DAB1: variants seen among roughly 807,000 people sequenced by gnomAD.
DAB1 encodes disabled homolog 1.
DAB1 carries 15 observed loss-of-function variants against 64.6 expected under a neutral mutation model. The ratio of observed to expected loss-of-function variants is 0.23; its 90% CI spans 0.16 to 0.36. The LOEUF is 0.36. Among genes scored for constraint, DAB1 ranks in the 10% least tolerant of loss-of-function variants. DAB1 has a pLI of 1.00. For synonymous variants in DAB1, 235 were observed against 251.9 expected (o/e 0.93, Z 0.64); for missense variants, 596 against 706.7 (o/e 0.84, Z 1.78).
intron 5 of DAB1, among the ~76,000 whole-genome samples, chr1:58,139,297 G>A (rs999071242): frequency 6.6e-6 from 1 of 152,018 alleles, no homozygotes; most frequent in Non-Finnish European, 1.5e-5. Context: ...TACTGTATTC[G>A]TCCATTCTCA....
rs182857397 is a variant in DAB1, at chr1:58,049,019, C to G, written n.387+101492G>C. Reference sequence around the variant, plus strand: ...GGCACCTGGTCTTTGGGAATCTTCTCTTGAGACAGCTCTCTGTTTCCACAA... The same window carrying G: ...GGCACCTGGTCTTTGGGAATCTTCTGTTGAGACAGCTCTCTGTTTCCACAA... On this transcript the variant is annotated intron_variant and non_coding_transcript_variant, in intron 5 of 20. Transcript: ENST00000485760. 1.1e-5 allele frequency: 9 copies of G among 791,794 alleles called. No individual in the cohort carries two copies. In the Admixed American group the frequency reaches 1.5e-4, roughly 13 times the overall value. 49.0% of individuals were successfully genotyped at this position (791,794 alleles called of 1,614,324 possible).
At chr1:57,061,236 G>GGT (rs1650365284) in intron 9 of DAB1, among the ~76,000 whole-genome samples, 1 of 150,948 alleles carries the variant, frequency 6.6e-6, no homozygotes, top group African/African-American at 2.4e-5. Flanking sequence ...GATGGGGGGG[G>GGT]GGGGTGGTTT....
At chr1:58,396,142 G>A (rs78570816) in intron 3 of DAB1, among the ~76,000 whole-genome samples, 2,579 of 148,648 alleles carry the variant, frequency 0.017, 76 homozygotes, top group African/African-American at 0.058. Flanking sequence ...GGGAGGGGGG[G>A]ATGGAAATGA....
chr1:57,899,960 G>C (rs1005409824), intron 5 of DAB1, among the ~76,000 whole-genome samples: 1 of 150,386 alleles, frequency 6.6e-6, no homozygotes, highest in Non-Finnish European at 1.5e-5. Context: ...ATTTTTTAGA[G>C]ACAGGGTCTC....
At chr1:58,265,825 G>A (rs1305709614) in intron 4 of DAB1, among the ~76,000 whole-genome samples, 2 of 152,080 alleles carry the variant, frequency 1.3e-5, no homozygotes, top group African/African-American at 2.4e-5. Flanking sequence ...TACTGTTGAA[G>A]GATAATAAAA....
intron 6 of DAB1, among the ~76,000 whole-genome samples, chr1:57,749,257 A>C (rs1648440360): frequency 6.6e-6 from 1 of 152,228 alleles, no homozygotes; most frequent in Admixed American, 6.5e-5. Context: ...AGTGAAACTA[A>C]GGCTCAGAGT....
At chr1:58,013,543 G>A (rs1462431575) in intron 5 of DAB1, among the ~76,000 whole-genome samples, 5 of 152,124 alleles carry the variant, frequency 3.3e-5, no homozygotes, top group East Asian at 1.9e-4. Context: ...CCTTCATTAC[G>A]ACACGAGTGG....
At chr1:57,255,272 T>C (rs1175306779) in intron 2 of DAB1, among the ~76,000 whole-genome samples, 1 of 152,232 alleles carries the variant, frequency 6.6e-6, no homozygotes, top group African/African-American at 2.4e-5. Flanking sequence ...TGAAATTGTC[T>C]TAACTCATTT....
chr1:58,254,075 G>A (rs1660866940), intron 4 of DAB1, among the ~76,000 whole-genome samples: 1 of 152,094 alleles, frequency 6.6e-6, no homozygotes, highest in Admixed American at 6.5e-5. Flanking sequence ...AACCACAGAG[G>A]AGGCAGGACC....
At chr1:57,277,297 C>T (rs771219918) in intron 2 of DAB1, among the ~76,000 whole-genome samples, 1 of 152,168 alleles carries the variant, frequency 6.6e-6, no homozygotes, top group East Asian at 1.9e-4. Context: ...CTCTATGACT[C>T]TATTCATATA....
At chr1:58,447,368 G>A (rs1171935079) in intron 3 of DAB1, among the ~76,000 whole-genome samples, 2 of 151,216 alleles carry the variant, frequency 1.3e-5, no homozygotes, top group African/African-American at 4.8e-5. Flanking sequence ...AAAAAAAGGA[G>A]AGAGTTGATC....
At chr1:57,970,861 A>G (rs954079342) in intron 5 of DAB1, among the ~76,000 whole-genome samples, 1 of 152,024 alleles carries the variant, frequency 6.6e-6, no homozygotes, top group Non-Finnish European at 1.5e-5. Flanking sequence ...GAAACCCACA[A>G]TTTCCTATGA....
intron 4 of DAB1, among the ~76,000 whole-genome samples, chr1:58,245,717 G>C (rs1660498262): frequency 6.6e-6 from 1 of 152,064 alleles, no homozygotes; most frequent in Non-Finnish European, 1.5e-5. Context: ...TACAACACCA[G>C]TCACATCGGG....
intron 3 of DAB1, among the ~76,000 whole-genome samples, chr1:58,384,725 G>T (rs956285797): frequency 6.7e-6 from 1 of 149,058 alleles, no homozygotes; most frequent in Non-Finnish European, 1.5e-5. Flanking sequence ...AAGGCCCAAA[G>T]GCCCCTGGAA....
rs572924592 is a variant in DAB1 at position 57,773,638 on chromosome 1, C to G, written n.551+110361G>C. On this transcript the variant is annotated intron_variant and non_coding_transcript_variant, in intron 6 of 20. Transcript: ENST00000485760. ...TCTTCTAGGAGCTTTATCATTTCAG[C>G]CTTTATGTTTGTGTATACTATCCAT... is the stretch of plus-strand genomic sequence containing the variant. 2.5e-4 allele frequency among the ~76,000 whole-genome samples: 38 copies of G among 151,984 alleles called. No individual in the cohort carries two copies. In the East Asian group the frequency reaches 7.2e-3, roughly 29 times the overall value.
chr1:58,206,223 G>A (rs938580754), intron 4 of DAB1, among the ~76,000 whole-genome samples: 8 of 152,098 alleles, frequency 5.3e-5, no homozygotes, highest in African/African-American at 1.7e-4. Context: ...CCAGAAAGGC[G>A]GGACAACTCT....
intron 9 of DAB1, among the ~76,000 whole-genome samples, chr1:57,061,238 G>GC (rs937272430): frequency 6.7e-5 from 10 of 150,268 alleles, no homozygotes; most frequent in African/African-American, 2.2e-4. Flanking sequence ...TGGGGGGGGG[G>GC]GGTGGTTTCA....
chr1:58,451,301 C>T (rs554978118), intron 3 of DAB1, among the ~76,000 whole-genome samples: 16 of 152,272 alleles, frequency 1.1e-4, no homozygotes, highest in African/African-American at 3.9e-4. Context: ...ACTGTTTGCC[C>T]AGGCTGATCT....
chr1:58,501,845 G>T (rs532717985), intron 3 of DAB1, among the ~76,000 whole-genome samples: 2 of 152,116 alleles, frequency 1.3e-5, no homozygotes, highest in South Asian at 4.2e-4. Flanking sequence ...GTTTAATGAG[G>T]TCTGAAGGGT....
Sources: allele counts gnomAD v4.1 joint callset (sites outside exome capture counted in the v4.1 genomes callset), GRCh38; gene constraint gnomAD v4.1.1; transcripts MANE v1.5; gene names NCBI Gene and HGNC (gene_info 2026-07-23, HGNC 2026-07-21).